The following KLF9 variants were observed in gnomAD, a reference collection of about 807,000 sequenced individuals.
KLF9 encodes KLF transcription factor 9, also known as Krueppel-like factor 9.
A neutral mutation model predicts 17.3 loss-of-function variants in KLF9; 2 were observed. The ratio of observed to expected loss-of-function variants is 0.12; its 90% CI spans 0.05 to 0.36. The LOEUF is 0.36. Among genes scored for constraint, KLF9 ranks in the 10% least tolerant of loss-of-function variants. The probability of loss-of-function intolerance (pLI) is 1.00; values close to 1 mark genes in which losing one functional copy is unlikely to be tolerated. For missense variants in KLF9, 226 were observed against 333.2 expected (o/e 0.68, Z 2.51); for synonymous variants, 138 against 139.2 (o/e 0.99, Z 0.06).
intron 1 of KLF9, among the ~76,000 whole-genome samples, chr9:70,397,333 G>A (rs1010872020): frequency 7.9e-5 from 12 of 152,058 alleles, no homozygotes; most frequent in Non-Finnish European, 1.3e-4. Context: ...AAATTAGCCA[G>A]GCATGGTGGC....
intron 1 of KLF9, among the ~76,000 whole-genome samples, chr9:70,407,912 A>T (rs1021609978): frequency 6.6e-6 from 1 of 152,182 alleles, no homozygotes; most frequent in Non-Finnish European, 1.5e-5. Flanking sequence ...CCCTAACAGG[A>T]TACTTGATAT....
rs1236455722 is a variant in KLF9 at position 70,413,471 on chromosome 9, C to G, written c.-108G>C. On this transcript the variant is annotated 5_prime_UTR_variant, in exon 1 of 2. Transcript: ENST00000377126. The surrounding 1 kb of genome is among the most constrained non-coding windows in gnomAD (Gnocchi z 5.6). ...ACGACGAGCGCGGCGCGGCGCGGCA[C>G]GGCGCGGCGGCCAAGGGGGCGGGGG... The G allele has an allele frequency of 1.7e-6, 2 of 1,179,580 alleles. No individual in the cohort carries two copies. Among genetic ancestry groups the G allele is most frequent in the Non-Finnish European group, 2.1e-6 (2 of 944,344 alleles). The allele number at this position is 1,179,580 out of a possible 1,614,324, so 73.1% of individuals were successfully genotyped here. A position where few individuals can be genotyped will look rare whatever the true frequency, so the allele number is the denominator to read the frequency against.
chr9:70,409,598 A>G (rs2037295598), intron 1 of KLF9, among the ~76,000 whole-genome samples: 1 of 152,164 alleles, frequency 6.6e-6, no homozygotes, highest in Admixed American at 6.5e-5. Context: ...ACTTCATGTT[A>G]ATTACATTTT....
At position 70,413,909 on chromosome 9, in the gene KLF9, C is replaced by T. The variant is rs1336654813; in HGVS notation, c.-546G>A. Reference sequence around the variant, plus strand: ...CCCGAGTCCACTGACGGCTTCTGAACCCCTGCTCCGGCCGGTCCGCACCGT... The same window carrying T: ...CCCGAGTCCACTGACGGCTTCTGAATCCCTGCTCCGGCCGGTCCGCACCGT... On this transcript the variant is annotated 5_prime_UTR_variant, in exon 1 of 2. Transcript: ENST00000377126. The surrounding 1 kb of genome is among the most constrained non-coding windows in gnomAD (Gnocchi z 5.6). The T allele has an allele frequency of 1.3e-5, 2 of 152,724 alleles. No homozygotes were observed. Among genetic ancestry groups the T allele is most frequent in the Admixed American group, 1.3e-4 (2 of 15,282 alleles). 9.5% of individuals were successfully genotyped at this position (152,724 alleles called of 1,614,324 possible).
intron 1 of KLF9, among the ~76,000 whole-genome samples, chr9:70,404,145 G>T (rs902796170): frequency 2.6e-5 from 4 of 152,170 alleles, no homozygotes; most frequent in Non-Finnish European, 2.9e-5. Flanking sequence ...ATTGCTGTGA[G>T]TTTAAATGTG....
At chr9:70,400,764 A>T (rs1292103850) in intron 1 of KLF9, among the ~76,000 whole-genome samples, 1 of 152,128 alleles carries the variant, frequency 6.6e-6, no homozygotes, top group East Asian at 1.9e-4. Flanking sequence ...CAGTGGCCAT[A>T]AATCCTACTC....
At chr9:70,409,576 GACTTAGGATAA>G (rs1267069369) in intron 1 of KLF9, among the ~76,000 whole-genome samples, 1 of 151,948 alleles carries the variant, frequency 6.6e-6, no homozygotes, top group Non-Finnish European at 1.5e-5. Context: ...AAAGTCAGGA[GACTTAGGATAA>G]ACTTCATGTT....
rs573654716 is a variant in KLF9 at position 70,390,176 on chromosome 9, T to A, written c.506-2171A>T. 1.4e-4 allele frequency among the ~76,000 whole-genome samples: 22 copies of A among 152,352 alleles called. No homozygotes were observed. In the South Asian group the frequency reaches 4.6e-3, roughly 32 times the overall value. ...GAGCAATAGTCATAACAACACCCTGTACAACGTACTTTTCGAGGAAACCCA... is the reference window on the plus strand; with the variant it reads ...GAGCAATAGTCATAACAACACCCTGAACAACGTACTTTTCGAGGAAACCCA... On this transcript the variant is annotated intron_variant, in intron 1 of 1. Coordinates refer to ENST00000377126, the MANE Select transcript of KLF9 (RefSeq NM_001206.4).
chr9:70,409,179 TG>T (rs2037290965), intron 1 of KLF9, among the ~76,000 whole-genome samples: 1 of 65,616 alleles, frequency 1.5e-5, no homozygotes, highest in East Asian at 2.8e-4. Context: ...TGTATATATA[TG>T]TATACATATA....
chr9:70,400,854 C>T (rs1363687372), intron 1 of KLF9, among the ~76,000 whole-genome samples: 2 of 152,190 alleles, frequency 1.3e-5, no homozygotes, highest in Non-Finnish European at 2.9e-5. Context: ...CACTAAGTCA[C>T]ATGGCTTGAT....
rs185268315 is a variant in KLF9 at position 70,409,318 on chromosome 9, C to G, written c.505+3541G>C. On this transcript the variant is annotated intron_variant, in intron 1 of 1. Transcript: ENST00000377126. ...TTCAGAATCCTATAACCAGTGTTAT[C>G]AAACTCAACCCATTGTCACCACTTG... Among the ~76,000 whole-genome samples the G allele has an allele frequency of 6.7e-5, 10 of 149,758 alleles. No homozygotes were observed. The East Asian group carries it at 2.0e-3, about 29-fold the overall frequency.
chr9:70,390,745 T>C (rs2037148309), intron 1 of KLF9, among the ~76,000 whole-genome samples: 3 of 152,168 alleles, frequency 2.0e-5, no homozygotes, highest in South Asian at 4.1e-4. Context: ...ACCTGAGCTA[T>C]TGCAGAATTA....
intron 1 of KLF9, among the ~76,000 whole-genome samples, chr9:70,396,496 C>T (rs2037182504): frequency 6.6e-6 from 1 of 152,026 alleles, no homozygotes; most frequent in Admixed American, 6.6e-5. Context: ...TCCTGTTGCC[C>T]ACAAAATATG....
chr9:70,410,253 C>G (rs1383436451), intron 1 of KLF9, among the ~76,000 whole-genome samples: 2 of 152,206 alleles, frequency 1.3e-5, no homozygotes, highest in Non-Finnish European at 2.9e-5. Flanking sequence ...TGCTATAATC[C>G]TCTGATTTTT....
In KLF9 at chr9:70,387,457, C is replaced by CCCCCCACAA; in HGVS notation, c.*318_*319insTTGTGGGGG. On this transcript the variant is annotated 3_prime_UTR_variant, in exon 2 of 2. Coordinates refer to ENST00000377126, the MANE Select transcript of KLF9 (RefSeq NM_001206.4). ...CCCACCCACTCCCTACCCTCCCCCG[C>CCCCCCACAA]AAAAAAATAAAAGGAGAAAAAAAAA... The CCCCCCACAA allele has an allele frequency of 5.9e-6, 1 of 170,194 alleles. No homozygotes were observed. The allele number at this position is 170,194 out of a possible 1,614,324, so 10.5% of individuals were successfully genotyped here.
intron 1 of KLF9, among the ~76,000 whole-genome samples, chr9:70,405,445 C>T (rs1380749116): frequency 6.6e-6 from 1 of 152,184 alleles, no homozygotes; most frequent in Non-Finnish European, 1.5e-5. Flanking sequence ...AAGGATTGGC[C>T]TTTCTCCTGT....
Position 70,413,452 on chromosome 9 carries a change from AGCGCGGCGCG to A in KLF9, c.-99_-90del, listed in dbSNP as rs935831659. On this transcript the variant is annotated 5_prime_UTR_variant, in exon 1 of 2. Transcript: ENST00000377126. This position sits in a 1 kb window ranked among gnomAD's most constrained non-coding sequence, Gnocchi z 5.6. Reference sequence around the variant, plus strand: ...CGCCCTGCCCTGGCCTCGGACGACGAGCGCGGCGCGGCGCGGCACGGCGCGGCGGCCAAGG... The same window carrying A: ...CGCCCTGCCCTGGCCTCGGACGACGAGCGCGGCACGGCGCGGCGGCCAAGG... The A allele has an allele frequency of 8.7e-5, 109 of 1,258,022 alleles. 1 individual carries two copies. In the East Asian group the frequency reaches 3.0e-3, roughly 34 times the overall value. The allele number at this position is 1,258,022 out of a possible 1,614,324, so 77.9% of individuals were successfully genotyped here. A position where few individuals can be genotyped will look rare whatever the true frequency, so the allele number is the denominator to read the frequency against.
chr9:70,406,290 A>C (rs1268338751), intron 1 of KLF9, among the ~76,000 whole-genome samples: 1 of 152,198 alleles, frequency 6.6e-6, no homozygotes, highest in Non-Finnish European at 1.5e-5. Context: ...GAGATTACAC[A>C]GTATGACCAC....
At chr9:70,409,115 C>CATATATGTATATATGTATACAT (rs2037286369) in intron 1 of KLF9, among the ~76,000 whole-genome samples, 2 of 72,862 alleles carry the variant, frequency 2.7e-5, no homozygotes, top group East Asian at 3.0e-4. Context: ...TATATATATA[C>CATATATGTATATATGTATACAT]ATATATGTAT....
Sources: gnomAD v4.1 joint callset for allele counts (sites outside exome capture counted in the v4.1 genomes callset) on GRCh38, gnomAD v4.1.1 for gene constraint, Gnocchi (gnomAD v3.1) non-coding constraint, MANE v1.5 for transcripts, NCBI Gene and HGNC (gene_info 2026-07-23, HGNC 2026-07-21) for gene names.